Variants in NCALD observed in about 807,000 individuals in gnomAD.
The protein encoded by NCALD is neurocalcin-delta.
Under a neutral mutation model 18.6 loss-of-function variants are expected in NCALD, and 10 were observed. The observed-to-expected ratio is 0.54, with a 90% CI of 0.33 to 0.91. The LOEUF (loss-of-function observed/expected upper bound fraction) is 0.91, where lower values mean the gene tolerates loss of function less well. Among genes scored for constraint, NCALD ranks in the 40% least tolerant of loss-of-function variants. The probability of loss-of-function intolerance (pLI) is 0.03; values close to 1 mark genes in which losing one functional copy is unlikely to be tolerated. For synonymous variants in NCALD, 88 were observed against 87.4 expected, an observed-to-expected ratio of 1.01 and a Z score of -0.04; for missense variants, 184 against 247.6, an observed-to-expected ratio of 0.74 and a Z score of 1.72.
In NCALD at chr8:101,956,598, G is replaced by A. The variant is rs187393988; in HGVS notation, c.-156-40740C>T. Among the ~76,000 whole-genome samples the A allele has an allele frequency of 2.8e-3, 422 of 151,426 alleles. 1 individual carries two copies. The highest frequency in any genetic ancestry group is 4.2e-3 in the Non-Finnish European group (287 of 67,736). On this transcript the variant is annotated intron_variant, in intron 2 of 6. Transcript: ENST00000311028. ...GAAAGAGGGATAGGGAGAGGGAGGTGGAGAGAGAGAGAGACAGACACAGAG... is the reference window on the plus strand; with the variant it reads ...GAAAGAGGGATAGGGAGAGGGAGGTAGAGAGAGAGAGAGACAGACACAGAG...
At chr8:101,905,276 C>CT (rs1215044097) in intron 3 of NCALD, among the ~76,000 whole-genome samples, 16 of 145,548 alleles carry the variant, frequency 1.1e-4, no homozygotes, top group African/African-American at 4.0e-4. Flanking sequence ...TCTCTCCTCT[C>CT]CTCTCTCTCT....
chr8:101,873,894 T>C (rs980228562), intron 4 of NCALD, among the ~76,000 whole-genome samples: 6 of 152,198 alleles, frequency 3.9e-5, no homozygotes, highest in African/African-American at 1.4e-4. Flanking sequence ...CAACCAAGGA[T>C]AGCATTGCCA....
chr8:102,112,380 A>AAGGGATGTGC (rs1825668035), intron 1 of NCALD, among the ~76,000 whole-genome samples: 1 of 151,958 alleles, frequency 6.6e-6, no homozygotes, highest in African/African-American at 2.4e-5. Flanking sequence ...CCAGCTCCAG[A>AAGGGATGTGC]AGGGATGTGC....
intron 1 of NCALD, among the ~76,000 whole-genome samples, chr8:101,747,718 AT>A (rs11415124): frequency 0.012 from 1,647 of 139,676 alleles, 11 homozygotes; most frequent in African/African-American, 0.022. Context: ...AGGAAAAGTG[AT>A]TTTTTTTTTT....
At chr8:101,704,983 AGG>A (rs1382301840) in intron 2 of NCALD, among the ~76,000 whole-genome samples, 1 of 150,972 alleles carries the variant, frequency 6.6e-6, no homozygotes, top group African/African-American at 2.4e-5. Flanking sequence ...CCCAGCACTT[AGG>A]GAGGCCGAGG....
chr8:101,817,758 C>T (rs573466365), intron 4 of NCALD, among the ~76,000 whole-genome samples: 1 of 152,242 alleles, frequency 6.6e-6, no homozygotes, highest in East Asian at 1.9e-4. Flanking sequence ...GAAGACCCCT[C>T]CCGTGAATGC....
Position 101,896,146 on chromosome 8 carries a change from G to A in NCALD, c.-106-8919C>T, listed in dbSNP as rs891730364. Among the ~76,000 whole-genome samples, 323 of 151,554 alleles carry A rather than the reference G, an allele frequency of 2.1e-3. 4 individuals are homozygous for A. Among genetic ancestry groups the A allele is most frequent in the Admixed American group, 8.8e-3 (134 of 15,252 alleles). On this transcript the variant is annotated intron_variant, in intron 3 of 6. Coordinates refer to the NCALD transcript ENST00000311028. ...AAGGCTACAGTAACCAAAACAGCATGGTACTGGTACCAAAACAGAGATATA... is the reference window on the plus strand; with the variant it reads ...AAGGCTACAGTAACCAAAACAGCATAGTACTGGTACCAAAACAGAGATATA...
chr8:101,759,493 C>T (rs1415797019), intron 1 of NCALD, among the ~76,000 whole-genome samples: 1 of 152,120 alleles, frequency 6.6e-6, no homozygotes, highest in Non-Finnish European at 1.5e-5. Context: ...GAAAACATCC[C>T]AGATTATTTT....
At chr8:101,716,695 C>T (rs1441671030) in intron 2 of NCALD, among the ~76,000 whole-genome samples, 8 of 152,112 alleles carry the variant, frequency 5.3e-5, no homozygotes, top group African/African-American at 1.4e-4. Flanking sequence ...CCTGTGAATA[C>T]GTTAACTTGC....
At chr8:102,051,241 G>T (rs553092099) in intron 1 of NCALD, among the ~76,000 whole-genome samples, 4 of 152,148 alleles carry the variant, frequency 2.6e-5, no homozygotes, top group African/African-American at 7.2e-5. Context: ...CCCTAGGATC[G>T]GTGTGACCCT....
At chr8:102,072,191 C>T (rs1457839722) in intron 1 of NCALD, among the ~76,000 whole-genome samples, 1 of 152,088 alleles carries the variant, frequency 6.6e-6, no homozygotes, top group Non-Finnish European at 1.5e-5. Flanking sequence ...TGTTATTCAT[C>T]ATGGAATTAA....
At chr8:101,904,823 C>T (rs553932016) in intron 3 of NCALD, among the ~76,000 whole-genome samples, 1 of 152,230 alleles carries the variant, frequency 6.6e-6, no homozygotes, top group African/African-American at 2.4e-5. Flanking sequence ...TTCTGTTCTA[C>T]CCTTCTGAAA....
At chr8:101,994,903 CTT>C (rs1389909223) in intron 2 of NCALD, among the ~76,000 whole-genome samples, 2 of 152,306 alleles carry the variant, frequency 1.3e-5, no homozygotes, top group East Asian at 1.9e-4. Context: ...TTGCATCTCA[CTT>C]TTTTGTCTTT....
chr8:102,110,651 A>T (rs943263176), intron 1 of NCALD, among the ~76,000 whole-genome samples: 2 of 152,230 alleles, frequency 1.3e-5, no homozygotes, highest in Admixed American at 6.5e-5. Flanking sequence ...CACAACATGA[A>T]TTGCTCTAAC....
chr8:101,985,442 GC>G (rs1341184717), intron 2 of NCALD, among the ~76,000 whole-genome samples: 4 of 152,204 alleles, frequency 2.6e-5, no homozygotes, highest in African/African-American at 7.2e-5. Flanking sequence ...GCCATAGACA[GC>G]CCAAACTTTC....
At chr8:101,795,988 A>G (rs1812625400) in intron 4 of NCALD, among the ~76,000 whole-genome samples, 1 of 152,198 alleles carries the variant, frequency 6.6e-6, no homozygotes, top group Non-Finnish European at 1.5e-5. Context: ...TAAAACAGAA[A>G]GGCAGAGTTT....
chr8:101,690,748 C>T (rs1175369215), intron 3 of NCALD: 2 of 985,290 alleles, frequency 2.0e-6, no homozygotes, highest in Non-Finnish European at 2.4e-6. Context: ...GCTCTGTGTG[C>T]TGGCCATTTT....
At chr8:102,004,888 A>T (rs1213920158) in intron 2 of NCALD, among the ~76,000 whole-genome samples, 1 of 152,242 alleles carries the variant, frequency 6.6e-6, no homozygotes, top group Non-Finnish European at 1.5e-5. Context: ...TTCAAGATGG[A>T]TTAAAGATTT....
intron 1 of NCALD, among the ~76,000 whole-genome samples, chr8:102,083,544 C>T (rs1824628248): frequency 6.6e-6 from 1 of 152,148 alleles, no homozygotes; most frequent in African/African-American, 2.4e-5. Context: ...AAAAATTAGA[C>T]TAACATGTAT....
Sources: gnomAD v4.1 joint callset for allele counts (sites outside exome capture counted in the v4.1 genomes callset) on GRCh38, gnomAD v4.1.1 for gene constraint, MANE v1.5 for transcripts, NCBI Gene and HGNC (gene_info 2026-07-23, HGNC 2026-07-21) for gene names.